CLNK: variants seen among roughly 807,000 people sequenced by gnomAD.
CLNK encodes the protein cytokine dependent hematopoietic cell linker.
A neutral mutation model predicts 68.6 loss-of-function variants in CLNK; 74 were observed. That is an observed-to-expected ratio of 1.08 (90% CI 0.89 to 1.31). CLNK has a LOEUF of 1.31. Among genes scored for constraint, CLNK ranks in the 50% most tolerant of loss-of-function variants. CLNK has a pLI of 0.00. For synonymous variants in CLNK, 198 were observed against 172.2 expected (o/e 1.15, Z -1.17); for missense variants, 553 against 515.3 (o/e 1.07, Z -0.71).
At chr4:10,638,597 G>T (rs1723185941) in intron 2 of CLNK, among the ~76,000 whole-genome samples, 1 of 152,140 alleles carries the variant, frequency 6.6e-6, no homozygotes, top group African/African-American at 2.4e-5. Context: ...CATTTTTTGT[G>T]GTTGTTATTG....
chr4:10,597,642 T>A (rs1413445624), intron 3 of CLNK, among the ~76,000 whole-genome samples: 1 of 152,166 alleles, frequency 6.6e-6, no homozygotes, highest in East Asian at 1.9e-4. Flanking sequence ...GGATCCATGA[T>A]CCATCATTCA....
chr4:10,603,311 C>G (rs1481607219), intron 2 of CLNK, among the ~76,000 whole-genome samples: 1 of 152,162 alleles, frequency 6.6e-6, no homozygotes, highest in African/African-American at 2.4e-5. Context: ...GGTATAGCAC[C>G]ATCATTATAA....
intron 17 of CLNK, among the ~76,000 whole-genome samples, chr4:10,501,830 G>A (rs1717067713): frequency 6.6e-6 from 1 of 152,236 alleles, no homozygotes; most frequent in East Asian, 1.9e-4. Flanking sequence ...AGGAGGCTGA[G>A]GCAGGAGAAT....
the CLNK span, chr4:10,697,081 C>T: frequency 6.6e-6 from 1 of 152,186 alleles, no homozygotes; most frequent in Non-Finnish European, 1.5e-5. Context: ...GAATAGCAAA[C>T]CCAACTGTCA....
chr4:10,596,385 C>G (rs1721388733), intron 3 of CLNK, among the ~76,000 whole-genome samples: 1 of 152,162 alleles, frequency 6.6e-6, no homozygotes, highest in African/African-American at 2.4e-5. Context: ...TGTCTGGGGC[C>G]ACACGGCTAA....
chr4:10,508,997 CT>C (rs1717445922), intron 16 of CLNK, among the ~76,000 whole-genome samples: 2 of 149,172 alleles, frequency 1.3e-5, no homozygotes, highest in South Asian at 4.3e-4. Context: ...GTCCTAGCTA[CT>C]TGGGAGGCTG....
intron 18 of CLNK, among the ~76,000 whole-genome samples, chr4:10,498,486 C>T (rs564969461): frequency 2.0e-5 from 3 of 151,966 alleles, no homozygotes; most frequent in South Asian, 4.2e-4. Context: ...AGCAAGACTC[C>T]GTCTCAAAAT....
At chr4:10,599,898 G>T (rs1420169101) in intron 2 of CLNK, among the ~76,000 whole-genome samples, 1 of 152,024 alleles carries the variant, frequency 6.6e-6, no homozygotes, top group Non-Finnish European at 1.5e-5. Flanking sequence ...TGGCCTCCTG[G>T]GTTCCAATCC....
chr4:10,692,056 C>A, the CLNK span: 1 of 149,700 alleles, frequency 6.7e-6, no homozygotes, highest in Non-Finnish European at 1.5e-5. Flanking sequence ...TTTTTCTTTT[C>A]TTTTCTAGAA....
At chr4:10,582,862 GACAC>G (rs553508707) in intron 4 of CLNK, among the ~76,000 whole-genome samples, 102 of 151,948 alleles carry the variant, frequency 6.7e-4, no homozygotes, top group African/African-American at 2.1e-3. Context: ...CACATACACA[GACAC>G]ACACACAATC....
chr4:10,548,745 A>G (rs1179747509), intron 8 of CLNK, among the ~76,000 whole-genome samples: 1 of 152,222 alleles, frequency 6.6e-6, no homozygotes, highest in Non-Finnish European at 1.5e-5. Context: ...TCTTCTGCAC[A>G]TTAATATCTA....
intron 2 of CLNK, among the ~76,000 whole-genome samples, chr4:10,638,834 T>C (rs1241614634): frequency 6.6e-6 from 1 of 152,210 alleles, no homozygotes; most frequent in Non-Finnish European, 1.5e-5. Context: ...TCTCTTTGGC[T>C]TGTAGCTGGC....
upstream of CLNK, among the ~76,000 whole-genome samples, chr4:10,685,456 A>C (rs1725235272): frequency 6.6e-6 from 1 of 152,160 alleles, no homozygotes; most frequent in South Asian, 2.1e-4. Context: ...GCATGCAGTA[A>C]TGTTTGGGCA....
At chr4:10,539,232 A>G (rs1031618510) in intron 11 of CLNK, among the ~76,000 whole-genome samples, 1 of 152,198 alleles carries the variant, frequency 6.6e-6, no homozygotes, top group African/African-American at 2.4e-5. Context: ...AGGGCATTCC[A>G]TGGGAGAGAC....
At chr4:10,564,911 T>A in intron 6 of CLNK, 134 bp from the exon 7 acceptor site, 1 of 658,590 alleles carries the variant, frequency 1.5e-6, no homozygotes, top group South Asian at 1.7e-5. Flanking sequence ...TGCTTTCATT[T>A]AACAGAGTAG....
At chr4:10,649,600 A>G (rs1023071312) in intron 2 of CLNK, among the ~76,000 whole-genome samples, 1 of 152,170 alleles carries the variant, frequency 6.6e-6, no homozygotes, top group Non-Finnish European at 1.5e-5. Context: ...CTGCTCTCTC[A>G]GGGTAAGGGT....
chr4:10,726,340 C>T, the CLNK span, among the ~76,000 whole-genome samples: 3 of 152,120 alleles, frequency 2.0e-5, no homozygotes, highest in Admixed American at 6.5e-5. Flanking sequence ...AGGATGGTCT[C>T]GATCTCTTGA....
At chr4:10,726,448 C>T in the CLNK span, among the ~76,000 whole-genome samples, 2 of 152,142 alleles carry the variant, frequency 1.3e-5, no homozygotes, top group African/African-American at 2.4e-5. Flanking sequence ...GAAATTTCCT[C>T]TTTTTGTAAG....
chr4:10,515,952 C>G (rs1274680384), intron 15 of CLNK, among the ~76,000 whole-genome samples: 1 of 152,068 alleles, frequency 6.6e-6, no homozygotes, highest in Non-Finnish European at 1.5e-5. Flanking sequence ...CACATGACAC[C>G]TAAGCTTTAA....
Sources: allele counts gnomAD v4.1 joint callset (sites outside exome capture counted in the v4.1 genomes callset), GRCh38; gene constraint gnomAD v4.1.1; transcripts MANE v1.5; gene names NCBI Gene and HGNC (gene_info 2026-07-23, HGNC 2026-07-21).